The following FAM193A variants were observed in gnomAD, a reference collection of about 807,000 sequenced individuals.
The protein encoded by FAM193A is family with sequence similarity 193 member A, also known as protein FAM193A.
A neutral mutation model predicts 126.5 loss-of-function variants in FAM193A; 22 were observed. That is an observed-to-expected ratio of 0.17 (90% CI 0.12 to 0.25). The LOEUF (loss-of-function observed/expected upper bound fraction) is 0.25. Ranked by LOEUF, FAM193A falls within the 10% of genes least tolerant of loss-of-function variation. The pLI is 1.00. For missense variants in FAM193A, 1,675 were observed against 1,672.8 expected, an observed-to-expected ratio of 1.00 and a Z score of -0.02; for synonymous variants, 761 against 646.8, an observed-to-expected ratio of 1.18 and a Z score of -2.68.
chr4:2,560,681 G>A (rs77854656), intron 1 of FAM193A, among the ~76,000 whole-genome samples: 4,315 of 152,258 alleles, frequency 0.028, 221 homozygotes, highest in African/African-American at 0.098. Flanking sequence ...TTTATGTGTA[G>A]TACGTTATCT....
intron 6 of FAM193A, among the ~76,000 whole-genome samples, chr4:2,644,807 A>G (rs1348915780): frequency 6.6e-6 from 1 of 152,210 alleles, no homozygotes; most frequent in Non-Finnish European, 1.5e-5. Context: ...AAAAGATCCT[A>G]ATTTCCACAT....
chr4:2,573,860 C>T (rs947970475), intron 1 of FAM193A, among the ~76,000 whole-genome samples: 4 of 152,024 alleles, frequency 2.6e-5, no homozygotes, highest in Non-Finnish European at 4.4e-5. Flanking sequence ...GGGGTGCACC[C>T]GGCTCTTTGT....
At position 2,537,848 on chromosome 4, in the gene FAM193A, G is replaced by A. The variant is rs146729988; in HGVS notation, c.255+678G>A. 2.6e-4 allele frequency among the ~76,000 whole-genome samples: 39 copies of A among 152,244 alleles called. No homozygotes were observed. The East Asian group carries it at 7.3e-3, about 29-fold the overall frequency. ...GGTATTTAGTGGTTTGGTTACTCAG[G>A]TATGTATTTAGGGTTCGAACTTAAG... On this transcript the variant is annotated intron_variant, in intron 1 of 20. Coordinates refer to ENST00000637812, the MANE Select transcript of FAM193A (RefSeq NM_001366318.2).
chr4:2,715,949 C>G, intron 19 of FAM193A, 74 bp from the exon 20 acceptor site: 1 of 887,662 alleles, frequency 1.1e-6, no homozygotes, highest in Non-Finnish European at 1.9e-6. Flanking sequence ...TGAGCGAAGA[C>G]AAATGATTTC....
chr4:2,564,918 G>GC (rs2108846671), intron 1 of FAM193A, among the ~76,000 whole-genome samples: 1 of 152,088 alleles, frequency 6.6e-6, no homozygotes, highest in African/African-American at 2.4e-5. Flanking sequence ...AGATCATCCT[G>GC]CCCCAGAGTA....
At chr4:2,640,610 A>G (rs976178867) in intron 6 of FAM193A, among the ~76,000 whole-genome samples, 2 of 152,296 alleles carry the variant, frequency 1.3e-5, no homozygotes, top group East Asian at 3.9e-4. Context: ...TATTTACCAC[A>G]TGTGAGCACA....
intron 1 of FAM193A, among the ~76,000 whole-genome samples, chr4:2,568,106 A>C (rs915365687): frequency 2.6e-5 from 4 of 152,128 alleles, no homozygotes; most frequent in Non-Finnish European, 4.4e-5. Flanking sequence ...CTTACCTTCC[A>C]ACCACAGCAG....
At chr4:2,585,483 A>G (rs762101400) in intron 1 of FAM193A, among the ~76,000 whole-genome samples, 3 of 152,216 alleles carry the variant, frequency 2.0e-5, no homozygotes, top group Non-Finnish European at 4.4e-5. Flanking sequence ...GTTTATGTCT[A>G]TGGACCATTT....
At chr4:2,575,459 A>G (rs1382323511) in intron 1 of FAM193A, among the ~76,000 whole-genome samples, 6 of 145,636 alleles carry the variant, frequency 4.1e-5, no homozygotes, top group African/African-American at 1.3e-4. Flanking sequence ...TTTGTTAGAT[A>G]CTGGGATTTT....
At chr4:2,718,535 G>A (rs1202351327) in intron 20 of FAM193A, among the ~76,000 whole-genome samples, 1 of 151,964 alleles carries the variant, frequency 6.6e-6, no homozygotes, top group East Asian at 1.9e-4. Flanking sequence ...ACCAGCCTGG[G>A]CAACATGGTG....
intron 17 of FAM193A, among the ~76,000 whole-genome samples, chr4:2,695,895 T>C (rs948870715): frequency 2.6e-5 from 4 of 152,114 alleles, no homozygotes; most frequent in Admixed American, 2.6e-4. Context: ...GGAGACCCTG[T>C]CTCTACAAAA....
chr4:2,578,587 G>A (rs1160758559), intron 1 of FAM193A, among the ~76,000 whole-genome samples: 1 of 152,004 alleles, frequency 6.6e-6, no homozygotes, highest in Non-Finnish European at 1.5e-5. Context: ...ACCCTTGAAC[G>A]AAGGGGTTAG....
intron 13 of FAM193A, among the ~76,000 whole-genome samples, chr4:2,676,830 A>G (rs544625093): frequency 2.6e-5 from 4 of 152,100 alleles, no homozygotes; most frequent in South Asian, 2.1e-4. Flanking sequence ...AGTCTCAGCT[A>G]CTCGGGAGGC....
intron 20 of FAM193A, among the ~76,000 whole-genome samples, chr4:2,724,823 T>G (rs1432453843): frequency 6.6e-6 from 1 of 152,226 alleles, no homozygotes; most frequent in Non-Finnish European, 1.5e-5. Context: ...CATATCGTTA[T>G]CAAGGGTTAC....
chr4:2,537,553 C>T (rs1203765924), intron 1 of FAM193A, among the ~76,000 whole-genome samples: 6 of 152,226 alleles, frequency 3.9e-5, no homozygotes, highest in Non-Finnish European at 5.9e-5. Context: ...GGGTGATACC[C>T]GCGAGGCCCG....
intron 2 of FAM193A, among the ~76,000 whole-genome samples, chr4:2,613,258 G>A (rs1741984127): frequency 6.6e-6 from 1 of 151,994 alleles, no homozygotes; most frequent in African/African-American, 2.4e-5. Flanking sequence ...GCAACATAGT[G>A]AGATCCTGGT....
intron 4 of FAM193A, among the ~76,000 whole-genome samples, chr4:2,628,208 C>T (rs1743173906): frequency 6.6e-6 from 1 of 151,474 alleles, no homozygotes; most frequent in Admixed American, 6.6e-5. Flanking sequence ...CTGATGTTTG[C>T]TGTGCAGTAG....
At chr4:2,652,768 T>C (rs1745799593) in intron 7 of FAM193A, among the ~76,000 whole-genome samples, 1 of 152,216 alleles carries the variant, frequency 6.6e-6, no homozygotes, top group African/African-American at 2.4e-5. Flanking sequence ...TTTCCCTTCA[T>C]GTATCGATAT....
At chr4:2,675,665 A>AGTG (rs1714314068) in intron 13 of FAM193A, among the ~76,000 whole-genome samples, 1 of 152,234 alleles carries the variant, frequency 6.6e-6, no homozygotes. Flanking sequence ...CATAAAATTT[A>AGTG]CAATCTTAAC....
Sources: gnomAD v4.1 joint callset for allele counts (sites outside exome capture counted in the v4.1 genomes callset) on GRCh38, gnomAD v4.1.1 for gene constraint, MANE v1.5 for transcripts, NCBI Gene and HGNC (gene_info 2026-07-23, HGNC 2026-07-21) for gene names.